The following RIPOR2 variants were observed in gnomAD, a reference collection of about 807,000 sequenced individuals.
The protein encoded by RIPOR2 is RHO family interacting cell polarization regulator 2, also known as rho family-interacting cell polarization regulator 2.
RIPOR2 carries 39 observed loss-of-function variants against 114.5 expected under a neutral mutation model. The ratio of observed to expected loss-of-function variants is 0.34; its 90% CI spans 0.26 to 0.44. RIPOR2 has a LOEUF of 0.44. RIPOR2 is among the 20% of genes least tolerant of loss of function. The pLI is 1.00. For missense variants in RIPOR2, 1,007 were observed against 1,255.1 expected (o/e 0.80, Z 2.99); for synonymous variants, 445 against 484.4 (o/e 0.92, Z 1.07).
At chr6:25,040,120 C>T (rs1582001226) in intron 1 of RIPOR2, among the ~76,000 whole-genome samples, 1 of 144,864 alleles carries the variant, frequency 6.9e-6, no homozygotes, top group Non-Finnish European at 1.5e-5. Flanking sequence ...TAGACTTCTA[C>T]TTTTTTTTTT....
At chr6:25,022,721 T>A (rs573353214) in intron 1 of RIPOR2, among the ~76,000 whole-genome samples, 1 of 151,826 alleles carries the variant, frequency 6.6e-6, no homozygotes, top group African/African-American at 2.4e-5. Flanking sequence ...ATTTTTTGAT[T>A]GTTTTGTAGA....
intron 1 of RIPOR2, among the ~76,000 whole-genome samples, chr6:24,880,979 C>T (rs1007109867): frequency 6.6e-6 from 1 of 152,214 alleles, no homozygotes; most frequent in Admixed American, 6.5e-5. Context: ...TGCAGTGGCT[C>T]ACGCCTGTAA....
At position 24,880,973 on chromosome 6, in the gene RIPOR2, G is replaced by A. The variant is rs1347132226; in HGVS notation, c.62-5156C>T. On this transcript the variant is annotated intron_variant, in intron 1 of 21. Coordinates refer to ENST00000643898, the MANE Select transcript of RIPOR2 (RefSeq NM_001286445.3). ...AAACAACAAACTCAGGCCAGGTGCA[G>A]TGGCTCACGCCTGTAATCCCAGCAC... Among the ~76,000 whole-genome samples the A allele has an allele frequency of 2.0e-5, 3 of 152,230 alleles. No homozygotes were observed. In the East Asian group the frequency reaches 5.8e-4, roughly 29 times the overall value.
chr6:25,024,380 G>A, intron 1 of RIPOR2: 1 of 1,310,836 alleles, frequency 7.6e-7, no homozygotes, highest in Non-Finnish European at 1.1e-6. Context: ...TGTTGGCCAG[G>A]TAGGCAATGA....
chr6:24,958,067 AC>A (rs1339575999), intron 1 of RIPOR2, among the ~76,000 whole-genome samples: 36 of 152,206 alleles, frequency 2.4e-4, no homozygotes, highest in African/African-American at 8.2e-4. Flanking sequence ...ATCTAAGAGA[AC>A]AAAAAATATA....
chr6:24,937,929 C>T (rs1209551478), upstream of RIPOR2, among the ~76,000 whole-genome samples: 1 of 152,102 alleles, frequency 6.6e-6, no homozygotes, highest in South Asian at 2.1e-4. Flanking sequence ...CCCTCACCTC[C>T]CACCTCAGAA....
chr6:24,952,340 G>A (rs773396460), intron 1 of RIPOR2, among the ~76,000 whole-genome samples: 2 of 152,076 alleles, frequency 1.3e-5, no homozygotes, highest in African/African-American at 4.8e-5. Context: ...GCATTTACTG[G>A]GGATCCTGTC....
intron 1 of RIPOR2, among the ~76,000 whole-genome samples, chr6:24,902,425 C>G (rs968764463): frequency 6.6e-6 from 1 of 152,232 alleles, no homozygotes; most frequent in Admixed American, 6.5e-5. Flanking sequence ...CCATGTTGTC[C>G]AGGCTGGTCT....
chr6:24,896,554 G>A (rs1457985595), intron 1 of RIPOR2, among the ~76,000 whole-genome samples: 3 of 152,172 alleles, frequency 2.0e-5, no homozygotes, highest in African/African-American at 7.2e-5. Context: ...TTAATAAGAT[G>A]AGATTCAGTT....
chr6:24,908,912 C>T (rs1384213566), intron 1 of RIPOR2, among the ~76,000 whole-genome samples: 1 of 152,188 alleles, frequency 6.6e-6, no homozygotes, highest in African/African-American at 2.4e-5. Flanking sequence ...TTTTCTTTCT[C>T]TGTAGCTTGG....
At chr6:25,006,064 A>G (rs545435364) in intron 1 of RIPOR2, among the ~76,000 whole-genome samples, 136 of 152,354 alleles carry the variant, frequency 8.9e-4, no homozygotes, top group African/African-American at 3.0e-3. Context: ...AGAAATCATT[A>G]TAGGAAAATG....
In RIPOR2 at chr6:25,005,738, T is replaced by TATATATATATACATACAC. The variant is rs34572978; in HGVS notation, c.76+36112_76+36113insGTGTATGTATATATATAT. Among the ~76,000 whole-genome samples, 3 of 70,700 alleles carry TATATATATATACATACAC rather than the reference T, an allele frequency of 4.2e-5. 1 individual carries two copies. Among genetic ancestry groups the TATATATATATACATACAC allele is most frequent in the South Asian group, 5.0e-4 (1 of 2,010 alleles). 46.4% of individuals were successfully genotyped at this position (70,700 alleles called of 152,430 possible). ...ATATATATATATATATATATATATA[T>TATATATATATACATACAC]ATACATTTACCGATCAAAAGATATG... On this transcript the variant is annotated intron_variant, in intron 1 of 13. Coordinates refer to the RIPOR2 transcript ENST00000510784.
chr6:24,865,417 G>C lies in RIPOR2; in HGVS notation c.535C>G (p.Arg179Gly). 6.2e-7 allele frequency: 1 copy of C among 1,613,024 alleles called. No homozygotes were observed. Among genetic ancestry groups the C allele is most frequent in the Non-Finnish European group, 8.5e-7 (1 of 1,179,348 alleles). The stretch of plus-strand genomic sequence containing the variant: ...TTGCTGGCACCATCCTGGAGGCGTC[G>C]CTGGATACAATAAGCTTCATAGAGT... ...DELYEAYCIQ[R>G]RLQDGASKMK... Residue 179 changes from arginine to glycine, a missense_variant, in exon 7 of 22, where the codon CGA becomes GGA. Arg to Gly is a moderately radical substitution (Grantham distance 125). Transcript: ENST00000643898.
chr6:24,889,647 T>A (rs989576925), intron 1 of RIPOR2, among the ~76,000 whole-genome samples: 3 of 152,020 alleles, frequency 2.0e-5, no homozygotes, highest in Non-Finnish European at 4.4e-5. Context: ...ATATATATAT[T>A]TTAAAGCAAC....
intron 1 of RIPOR2, among the ~76,000 whole-genome samples, chr6:25,011,020 C>T (rs1412710372): frequency 2.0e-5 from 3 of 152,106 alleles, no homozygotes; most frequent in Non-Finnish European, 4.4e-5. Context: ...TGAGTCTGTC[C>T]CTTATATCTT....
At chr6:24,836,033 C>T in intron 14 of RIPOR2, 162 bp from the exon 15 acceptor site, 1 of 648,004 alleles carries the variant, frequency 1.5e-6, no homozygotes, top group Non-Finnish European at 2.6e-6. Flanking sequence ...CTTAATTCAG[C>T]CTGGTCACCA....
intron 13 of RIPOR2, chr6:24,839,792 C>G: frequency 7.3e-7 from 1 of 1,372,462 alleles, no homozygotes; most frequent in South Asian, 1.8e-5. Context: ...ATCTCTAATT[C>G]CAAGTGGCAA....
rs1562295057 is a variant in RIPOR2, at chr6:24,872,905, T to C, written c.399A>G (p.Lys133=). 6.2e-7 allele frequency: 1 copy of C among 1,611,846 alleles called. No homozygotes were observed. ...CCAGGCGAGAGTTTCTTTTCATATC[T>C]TTTAACTGAGCTGTCAACTTGTCCA... ...TELDKLTAQL[K]DMKRNSRLGV... is the part of the protein sequence containing the mutation. Residue 133 remains lysine, a synonymous_variant, in exon 4 of 22, where the codon AAA becomes AAG. Coordinates refer to ENST00000643898, the MANE Select transcript of RIPOR2 (RefSeq NM_001286445.3).
chr6:24,992,927 T>G (rs1227743183), intron 1 of RIPOR2, among the ~76,000 whole-genome samples: 2 of 152,188 alleles, frequency 1.3e-5, no homozygotes, highest in East Asian at 3.8e-4. Context: ...AAATATCCTA[T>G]GAGCCAAGCA....
Sources: allele counts gnomAD v4.1 joint callset (sites outside exome capture counted in the v4.1 genomes callset), GRCh38; gene constraint gnomAD v4.1.1; transcripts MANE v1.5; gene names NCBI Gene and HGNC (gene_info 2026-07-23, HGNC 2026-07-21).